RTEL1: variants seen among roughly 807,000 people sequenced by gnomAD.
RTEL1 encodes regulator of telomere elongation helicase 1.
A neutral mutation model predicts 162.2 loss-of-function variants in RTEL1; 86 were observed. The observed-to-expected ratio is 0.53, with a 90% confidence interval of 0.45 to 0.63. The LOEUF is 0.63. RTEL1 is among the 30% of genes least tolerant of loss of function. RTEL1 has a pLI of 0.00. For missense variants in RTEL1, 1,941 were observed against 1,750.2 expected, an observed-to-expected ratio of 1.11 and a Z score of -1.95; for synonymous variants, 958 against 717.9, an observed-to-expected ratio of 1.33 and a Z score of -5.35.
At chr20:63,674,839 C>T (rs190898650) in intron 10 of RTEL1, among the ~76,000 whole-genome samples, 17 of 152,122 alleles carry the variant, frequency 1.1e-4, no homozygotes, top group East Asian at 1.9e-4. Flanking sequence ...TTCCACACAG[C>T]GCTAGTCACG....
intron 27 of RTEL1, among the ~76,000 whole-genome samples, chr20:63,691,177 C>T (rs539962563): frequency 7.7e-4 from 117 of 152,196 alleles, no homozygotes; most frequent in African/African-American, 1.8e-3. Context: ...TGGCCCTCCG[C>T]GGGTGCCCCC....
At position 63,695,440 on chromosome 20, in the gene RTEL1, G is replaced by A; in HGVS notation, c.3612G>A (p.Gln1204=). 6.3e-7 allele frequency: 1 copy of A among 1,577,244 alleles called. No individual in the cohort carries two copies. Among genetic ancestry groups the A allele is most frequent in the African/African-American group, 1.3e-5 (1 of 74,480 alleles). The change falls in exon 34 of 35, where the codon CAG becomes CAA. Residue 1204 remains glutamine, a synonymous_variant. Transcript: ENST00000360203. ...GCGGTGAGGATGCAGGTCCCAGCCAGTCCTCAGGACCTCCCCACGGGCCTG... is the reference window on the plus strand; with the variant it reads ...GCGGTGAGGATGCAGGTCCCAGCCAATCCTCAGGACCTCCCCACGGGCCTG... The part of the protein sequence containing the change: ...GAGGEDAGPS[Q]SSGPPHGPAA...
rs1411545864 is a variant in RTEL1, at chr20:63,690,330, G to C, written c.2302G>C (p.Val768Leu). The C allele has an allele frequency of 6.2e-7, 1 of 1,610,436 alleles. No homozygotes were observed. The highest frequency in any genetic ancestry group is 1.7e-5 in the Admixed American group (1 of 59,876). ...GGCCCCCCGGGCTACAGCACCCAGT[G>C]TGCGTGGAGAAGATGCTGTCAGCGA... is the stretch of plus-strand genomic sequence containing the variant. ...APAPRATAPS[V>L]RGEDAVSEAK... The change falls in exon 26 of 35, where the codon GTG (valine) becomes CTG (leucine). Residue 768 changes from valine (V) to leucine (L), a missense_variant. Physicochemically the swap from Val to Leu is conservative, Grantham distance 32. Coordinates refer to ENST00000360203, the MANE Select transcript of RTEL1 (RefSeq NM_001283009.2).
intron 12 of RTEL1, among the ~76,000 whole-genome samples, chr20:63,678,881 A>G (rs1360612436): frequency 7.6e-6 from 1 of 131,926 alleles, no homozygotes; most frequent in Non-Finnish European, 1.5e-5. Context: ...ACGGAACAGC[A>G]CACACACTCC....
chr20:63,685,985 C>T (rs2090584556), intron 16 of RTEL1, 113 bp downstream of exon 16: 2 of 935,844 alleles, frequency 2.1e-6, no homozygotes, highest in Non-Finnish European at 3.3e-6. Context: ...ATGGGCCTGG[C>T]CACCTTCTCC....
chr20:63,688,684 A>G lies in RTEL1; in HGVS notation c.1800+79A>G. The G allele has an allele frequency of 2.2e-6, 3 of 1,350,988 alleles. No homozygotes were observed. In the South Asian group the frequency reaches 3.7e-5, roughly 17 times the overall value. The allele number at this position is 1,350,988 out of a possible 1,614,324, so 83.7% of individuals were successfully genotyped here. ...TCTCACAGCTTCCCCAAGGCTGACCACTGGCCCTGACCATGGGCTCCGGCG... is the reference window on the plus strand; with the variant it reads ...TCTCACAGCTTCCCCAAGGCTGACCGCTGGCCCTGACCATGGGCTCCGGCG... On this transcript the variant is annotated intron_variant, in intron 21 of 34. Coordinates refer to ENST00000360203, the MANE Select transcript of RTEL1 (RefSeq NM_001283009.2).
rs1309688780 is a variant in RTEL1 at position 63,695,693 on chromosome 20, G to C, written c.3822+43G>C. The C allele has an allele frequency of 5.6e-6, 9 of 1,609,202 alleles. No individual in the cohort carries two copies. The Admixed American group carries it at 6.7e-5, about 12-fold the overall frequency. On this transcript the variant is annotated intron_variant, in intron 34 of 34. Transcript: ENST00000360203. ...ACAGTTCCTGCTGGGTGTAGCCCCAGGTGATGGGCTGAGGGGGAAAGGGCA... is the reference window on the plus strand; with the variant it reads ...ACAGTTCCTGCTGGGTGTAGCCCCACGTGATGGGCTGAGGGGGAAAGGGCA...
chr20:63,691,614 C>T (rs1389498967), intron 27 of RTEL1, 128 bp from the exon 28 acceptor site: 1 of 751,914 alleles, frequency 1.3e-6, no homozygotes, highest in Non-Finnish European at 2.3e-6. Context: ...TGTGCTGTGC[C>T]CCCCTCCCCC....
In RTEL1 at chr20:63,694,479, C is replaced by T. The variant is rs2090916594; in HGVS notation, c.3100C>T (p.Pro1034Ser). 1.9e-6 allele frequency: 3 copies of T among 1,597,180 alleles called. No homozygotes were observed. Among genetic ancestry groups the T allele is most frequent in the Admixed American group, 3.4e-5 (2 of 59,484 alleles). The change falls in exon 31 of 35, where the codon CCC (proline) becomes TCC (serine). Residue 1034 changes from proline (P) to serine (S), a missense_variant. Transcript: ENST00000360203. ...CAGGCCCCACCTGTCGCCCAGGCCA[C>T]CCCCAACAGGTAGCTGACTCCTGAA... is the stretch of plus-strand genomic sequence containing the variant. ...QGRPHLSPRP[P>S]PTGDPGSQPQ...
At position 63,666,053 on chromosome 20, in the gene RTEL1, C is replaced by T. The variant is rs2090120009; in HGVS notation, c.588C>T (p.Asp196=). The T allele has an allele frequency of 3.1e-6, 5 of 1,614,194 alleles. No homozygotes were observed. Among genetic ancestry groups the T allele is most frequent in the Non-Finnish European group, 4.2e-6 (5 of 1,180,026 alleles). ...CCAGCCCCATCCTGGACATTGAGGA[C>T]TTGGTCAAGAGCGGAAGCAAGCACA... The part of the protein sequence containing the change: ...ELASPILDIE[D]LVKSGSKHRV... The change falls in exon 7 of 35, where the codon GAC becomes GAT. Residue 196 remains aspartate, a synonymous_variant. Coordinates refer to ENST00000360203, the MANE Select transcript of RTEL1 (RefSeq NM_001283009.2).
At chr20:63,683,311 C>T (rs1017037822) in intron 14 of RTEL1, among the ~76,000 whole-genome samples, 4 of 152,200 alleles carry the variant, frequency 2.6e-5, no homozygotes, top group African/African-American at 9.6e-5. Flanking sequence ...GCAGACTCAG[C>T]CCTGCTCATG....
chr20:63,676,692 T>C (rs920320526), intron 10 of RTEL1, among the ~76,000 whole-genome samples: 2 of 152,122 alleles, frequency 1.3e-5, no homozygotes, highest in African/African-American at 4.8e-5. Flanking sequence ...TCCCAGCACT[T>C]TGGGAGGCCC....
Position 63,693,432 on chromosome 20 carries a change from A to ACCT in RTEL1, c.2992+151_2992+152insTCC, listed in dbSNP as rs2090822454. On this transcript the variant is annotated intron_variant, in intron 30 of 34. Transcript: ENST00000360203. ...GGGAGTGATGGGGGCCTCCACCTCC[A>ACCT]CCACCAGCACCAGCAGCACCACCTC... 14 of 842,050 alleles carry ACCT rather than the reference A, an allele frequency of 1.7e-5. 1 individual carries two copies. The highest frequency in any genetic ancestry group is 2.0e-5 in the Non-Finnish European group (11 of 550,914). The allele number at this position is 842,050 out of a possible 1,614,324, so 52.2% of individuals were successfully genotyped here.
chr20:63,686,873 C>T (rs549720312), intron 16 of RTEL1: 2 of 166,588 alleles, frequency 1.2e-5, no homozygotes, highest in East Asian at 1.5e-4. Flanking sequence ...CTGTTTGTTC[C>T]ATTGACCTCT....
intron 10 of RTEL1, among the ~76,000 whole-genome samples, chr20:63,675,157 G>A (rs1245843526): frequency 1.3e-5 from 2 of 152,104 alleles, no homozygotes; most frequent in Non-Finnish European, 1.5e-5. Context: ...CACCCGCTTC[G>A]GCCTCCCAAA....
In RTEL1 at chr20:63,661,659, C is replaced by G; in HGVS notation, c.301+163C>G. The G allele has an allele frequency of 1.2e-5, 11 of 944,064 alleles. No homozygotes were observed. In the South Asian group the frequency reaches 1.3e-4, roughly 11 times the overall value. The allele number at this position is 944,064 out of a possible 1,614,324, so 58.5% of individuals were successfully genotyped here. On this transcript the variant is annotated intron_variant, in intron 3 of 34. Transcript: ENST00000360203. This position sits in a 1 kb window ranked among gnomAD's most constrained non-coding sequence, Gnocchi z 5.1. ...AATTTCTCGCCATCGTGGGTGTAAA[C>G]CTAGGGTTGGGCTTTTTTGCTGAAT...
rs1339218796 is a variant in RTEL1, at chr20:63,668,658, C to T, written c.699+1105C>T. On this transcript the variant is annotated intron_variant, in intron 8 of 34. Transcript: ENST00000360203. This position sits in a 1 kb window ranked among gnomAD's most constrained non-coding sequence, Gnocchi z 4.3. Reference sequence around the variant, plus strand: ...AGCTGTAGCAGAACCCCACAGAGAGCTGGTGAGGTTTGCCGTGGTTGTGGG... The same window carrying T: ...AGCTGTAGCAGAACCCCACAGAGAGTTGGTGAGGTTTGCCGTGGTTGTGGG... 3.9e-5 allele frequency among the ~76,000 whole-genome samples: 6 copies of T among 152,072 alleles called. No individual in the cohort carries two copies. Among genetic ancestry groups the T allele is most frequent in the Admixed American group, 3.9e-4 (6 of 15,262 alleles).
rs371690600 is a variant in RTEL1 at position 63,661,475 on chromosome 20, G to A, written c.280G>A (p.Ala94Thr). The A allele has an allele frequency of 3.1e-6, 5 of 1,611,994 alleles. No individual in the cohort carries two copies. The highest frequency in any genetic ancestry group is 4.2e-6 in the Non-Finnish European group (5 of 1,179,984). Residue 94 changes from alanine (A) to threonine (T), a missense_variant, in exon 3 of 35, where the codon GCT (alanine) becomes ACT (threonine). By Grantham distance (58) the Ala-to-Thr change is moderately conservative. Transcript: ENST00000360203. The surrounding 1 kb of genome is among the most constrained non-coding windows in gnomAD (Gnocchi z 5.1). ...RALSSWGNAA[A>T]AAGDPIACYT... is the part of the protein sequence containing the mutation. ...CTTGTCATCCTGGGGCAACGCTGCT[G>A]CTGCTGCTGGAGACCCCATAGGTGA...
At chr20:63,678,038 T>TCCCA (rs2090390983) in intron 10 of RTEL1, 107 bp from the exon 11 acceptor site, 1 of 1,303,626 alleles carries the variant, frequency 7.7e-7, no homozygotes, top group African/African-American at 1.5e-5. Flanking sequence ...GCCTCTTCCT[T>TCCCA]TCCATGTTGG....
Sources: gnomAD v4.1 joint callset for allele counts (sites outside exome capture counted in the v4.1 genomes callset) on GRCh38, gnomAD v4.1.1 for gene constraint, Gnocchi (gnomAD v3.1) non-coding constraint, MANE v1.5 for transcripts, NCBI Gene and HGNC (gene_info 2026-07-23, HGNC 2026-07-21) for gene names.